The following ZNF532 variants were observed in gnomAD, a reference collection of about 807,000 sequenced individuals.
ZNF532 encodes the protein zinc finger protein 532.
Under a neutral mutation model 89.3 loss-of-function variants are expected in ZNF532, and 22 were observed. The ratio of observed to expected loss-of-function variants is 0.25; its 90% confidence interval spans 0.18 to 0.35. ZNF532 has a LOEUF of 0.35. ZNF532 is among the 10% of genes least tolerant of loss of function. The pLI is 1.00. For missense variants in ZNF532, 1,132 were observed against 1,643.4 expected, an observed-to-expected ratio of 0.69 and a Z score of 5.38; for synonymous variants, 606 against 649.6, an observed-to-expected ratio of 0.93 and a Z score of 1.02.
intron 2 of ZNF532, among the ~76,000 whole-genome samples, chr18:58,891,080 G>A (rs371887783): frequency 5.3e-4 from 80 of 152,180 alleles, no homozygotes; most frequent in African/African-American, 1.5e-3. Flanking sequence ...CACCATGCCT[G>A]GCTAATTTTT....
intron 5 of ZNF532, among the ~76,000 whole-genome samples, chr18:58,942,086 G>T (rs1325347734): frequency 7.0e-6 from 1 of 143,108 alleles, no homozygotes; most frequent in Non-Finnish European, 1.5e-5. Flanking sequence ...GCAGTGGCAC[G>T]ATCTCAGCTC....
At chr18:58,971,320 T>G (rs2066456439) in intron 7 of ZNF532, among the ~76,000 whole-genome samples, 1 of 152,186 alleles carries the variant, frequency 6.6e-6, no homozygotes, top group Non-Finnish European at 1.5e-5. Flanking sequence ...ATGACTGGCT[T>G]TAGATTATCT....
intron 7 of ZNF532, among the ~76,000 whole-genome samples, chr18:58,956,886 T>C (rs2064832621): frequency 6.6e-6 from 1 of 152,338 alleles, no homozygotes; most frequent in African/African-American, 2.4e-5. Flanking sequence ...CTAGAAACAT[T>C]TAACTTTCTC....
At chr18:58,968,879 T>A (rs1325325004) in intron 7 of ZNF532, among the ~76,000 whole-genome samples, 1 of 152,224 alleles carries the variant, frequency 6.6e-6, no homozygotes, top group African/African-American at 2.4e-5. Flanking sequence ...TCAATCCAAT[T>A]GGCAGACCAG....
intron 2 of ZNF532, among the ~76,000 whole-genome samples, chr18:58,883,932 G>A (rs2145047307): frequency 6.6e-6 from 1 of 152,328 alleles, no homozygotes; most frequent in East Asian, 1.9e-4. Context: ...AAAGACCTCT[G>A]TTGAGGGAAG....
At chr18:58,927,694 C>G (rs2061639718) in intron 3 of ZNF532, among the ~76,000 whole-genome samples, 1 of 152,018 alleles carries the variant, frequency 6.6e-6, no homozygotes, top group Non-Finnish European at 1.5e-5. Flanking sequence ...TTCCATTTTC[C>G]TCAAAGTGGA....
chr18:58,955,941 T>TACCAGATTGCATAAGAGTCAA (rs2064728126), intron 7 of ZNF532, among the ~76,000 whole-genome samples: 1 of 152,134 alleles, frequency 6.6e-6, no homozygotes, highest in Non-Finnish European at 1.5e-5. Context: ...TTGGCACCCC[T>TACCAGATTGCATAAGAGTCAA]ACCAGATTGC....
At position 58,919,979 on chromosome 18, in the gene ZNF532, C is replaced by G. The variant is rs762798956; in HGVS notation, c.1692C>G (p.Pro564=). The stretch of plus-strand genomic sequence containing the variant: ...TCAATGCAGCAGCCTCGCAACCCCC[C>G]AAAAAGGTGTCTCGAGTCCAGGTGG... ...AIINAAASQP[P]KKVSRVQVVS... Residue 564 remains proline, a synonymous_variant, in exon 3 of 10, where the codon CCC becomes CCG. Transcript: ENST00000591808. The surrounding 1 kb of genome is among the most constrained non-coding windows in gnomAD (Gnocchi z 6.1). The G allele has an allele frequency of 5.0e-6, 8 of 1,613,762 alleles. 1 individual carries two copies. In the Admixed American group the frequency reaches 6.7e-5, roughly 13 times the overall value.
At chr18:58,891,350 C>G (rs868027395) in intron 2 of ZNF532, among the ~76,000 whole-genome samples, 1 of 152,072 alleles carries the variant, frequency 6.6e-6, no homozygotes, top group Non-Finnish European at 1.5e-5. Context: ...GCCAACATGG[C>G]GAAACCCTAT....
chr18:58,944,528 C>T (rs575627308), intron 5 of ZNF532, among the ~76,000 whole-genome samples: 1 of 152,206 alleles, frequency 6.6e-6, no homozygotes, highest in South Asian at 2.1e-4. Flanking sequence ...CCTGGGAGTC[C>T]AGCTACACTG....
intron 2 of ZNF532, among the ~76,000 whole-genome samples, chr18:58,913,491 C>T (rs970076690): frequency 1.3e-5 from 2 of 152,016 alleles, no homozygotes; most frequent in Admixed American, 6.6e-5. Flanking sequence ...TGGCTCACAC[C>T]TGTAATCCTG....
At position 58,961,697 on chromosome 18, in the gene ZNF532, C is replaced by T. The variant is rs76933554; in HGVS notation, c.3150+7898C>T. On this transcript the variant is annotated intron_variant, in intron 7 of 9. Coordinates refer to ENST00000591808, the MANE Select transcript of ZNF532 (RefSeq NM_001375912.1). ...ATTTAAGATGGATGCTGACAACTAG[C>T]AGAGGAGGGTAAGCAGAATGCTGAG... is the stretch of plus-strand genomic sequence containing the variant. Among the ~76,000 whole-genome samples, 4 of 152,268 alleles carry T rather than the reference C, an allele frequency of 2.6e-5. No homozygotes were observed. The East Asian group carries it at 7.7e-4, about 29-fold the overall frequency.
At chr18:58,904,463 G>A (rs367667131) in intron 2 of ZNF532, among the ~76,000 whole-genome samples, 1 of 152,112 alleles carries the variant, frequency 6.6e-6, no homozygotes, top group Non-Finnish European at 1.5e-5. Context: ...AAAGGGAAAC[G>A]GTAGTTCCTA....
chr18:58,965,739 G>T (rs185112670), intron 7 of ZNF532, among the ~76,000 whole-genome samples: 11 of 152,324 alleles, frequency 7.2e-5, no homozygotes, highest in African/African-American at 2.6e-4. Context: ...CAGCATCATG[G>T]TGTCGTTAAT....
intron 5 of ZNF532, among the ~76,000 whole-genome samples, chr18:58,946,991 A>C (rs2063721310): frequency 6.6e-6 from 1 of 152,112 alleles, no homozygotes; most frequent in African/African-American, 2.4e-5. Context: ...TCCGTTCTTC[A>C]ACTTTGCCGT....
Position 58,920,475 on chromosome 18 carries a change from G to T in ZNF532, c.2188G>T (p.Ala730Ser), listed in dbSNP as rs762352178. Residue 730 changes from alanine (A) to serine (S), a missense_variant, in exon 3 of 10, where the codon GCT becomes TCT. Around this residue, in one of 9 missense-constraint regions of ZNF532, gnomAD observed 100 missense variants for 122.0 expected, o/e 0.82. Coordinates refer to ENST00000591808, the MANE Select transcript of ZNF532 (RefSeq NM_001375912.1). Reference protein sequence around the residue: ...QSGITGTVISAPSSTPITPAM... With the variant: ...QSGITGTVISSPSSTPITPAM... ...TGGCATAACTGGGACAGTCATATCG[G>T]CTCCTTCAAGCACTCCCATCACCCC... is the stretch of plus-strand genomic sequence containing the variant. 5 of 1,613,850 alleles carry T rather than the reference G, an allele frequency of 3.1e-6. No individual in the cohort carries two copies. Among genetic ancestry groups the T allele is most frequent in the Non-Finnish European group, 4.2e-6 (5 of 1,179,852 alleles).
intron 3 of ZNF532, among the ~76,000 whole-genome samples, chr18:58,933,985 T>C (rs748234154): frequency 6.6e-6 from 1 of 152,248 alleles, no homozygotes; most frequent in Non-Finnish European, 1.5e-5. Flanking sequence ...AACTGGTTGG[T>C]GAACAATTGG....
At chr18:58,904,550 G>A (rs913506580) in intron 2 of ZNF532, among the ~76,000 whole-genome samples, 7 of 152,052 alleles carry the variant, frequency 4.6e-5, no homozygotes, top group South Asian at 2.1e-4. Flanking sequence ...ATTGTTAGAC[G>A]ATACCTGAAG....
chr18:58,885,178 G>A (rs532665467), intron 2 of ZNF532, among the ~76,000 whole-genome samples: 2 of 152,056 alleles, frequency 1.3e-5, no homozygotes, highest in African/African-American at 2.4e-5. Context: ...TAGTAGAGAC[G>A]GAGTTTCTGC....
Sources: allele counts gnomAD v4.1 joint callset (sites outside exome capture counted in the v4.1 genomes callset), GRCh38; gene constraint gnomAD v4.1.1; regional missense constraint gnomAD v4.1.1; non-coding constraint Gnocchi (gnomAD v3.1); transcripts MANE v1.5; gene names NCBI Gene and HGNC (gene_info 2026-07-23, HGNC 2026-07-21).